KCNT2: variants seen among roughly 807,000 people sequenced by gnomAD.
KCNT2 encodes potassium channel subfamily T member 2.
KCNT2 carries 67 observed loss-of-function variants against 153.8 expected under a neutral mutation model. That is an observed-to-expected ratio of 0.44 (90% CI 0.36 to 0.53). The LOEUF (loss-of-function observed/expected upper bound fraction) is 0.53. Ranked by LOEUF, KCNT2 falls within the 20% of genes least tolerant of loss-of-function variation. The pLI is 0.00. For missense variants in KCNT2, 975 were observed against 1,354.8 expected, an observed-to-expected ratio of 0.72 and a Z score of 4.40; for synonymous variants, 500 against 458.8, an observed-to-expected ratio of 1.09 and a Z score of -1.15.
At chr1:196,420,907 C>T (rs1673145995) in intron 12 of KCNT2, among the ~76,000 whole-genome samples, 1 of 151,966 alleles carries the variant, frequency 6.6e-6, no homozygotes, top group East Asian at 1.9e-4. Flanking sequence ...GGAAAGTAAC[C>T]AGCAATGGAT....
At chr1:196,337,306 C>A (rs929029014) in intron 16 of KCNT2, among the ~76,000 whole-genome samples, 1 of 151,920 alleles carries the variant, frequency 6.6e-6, no homozygotes, top group African/African-American at 2.4e-5. Context: ...CCTGATTATC[C>A]TCAAAGTACA....
intron 25 of KCNT2, among the ~76,000 whole-genome samples, chr1:196,270,448 A>G (rs1364399815): frequency 6.6e-6 from 1 of 152,120 alleles, no homozygotes; most frequent in Non-Finnish European, 1.5e-5. Flanking sequence ...AGGTTTGTAT[A>G]TATTATGCAT....
intron 1 of KCNT2, among the ~76,000 whole-genome samples, chr1:196,532,510 C>T (rs1655080063): frequency 6.6e-6 from 1 of 151,766 alleles, no homozygotes; most frequent in African/African-American, 2.4e-5. Flanking sequence ...TACATATAAT[C>T]CTTGAGATTA....
intron 13 of KCNT2, among the ~76,000 whole-genome samples, chr1:196,384,742 G>T (rs1318192445): frequency 4.1e-5 from 6 of 147,898 alleles, no homozygotes; most frequent in Non-Finnish European, 7.5e-5. Context: ...TGTTAAAACT[G>T]TTTTGGCAAC....
At chr1:196,424,071 C>A (rs1010378607) in intron 11 of KCNT2, among the ~76,000 whole-genome samples, 11 of 151,704 alleles carry the variant, frequency 7.3e-5, no homozygotes, top group Non-Finnish European at 1.6e-4. Flanking sequence ...TTTTAAATAG[C>A]TTTTAGAGTA....
At chr1:196,309,397 G>A (rs1661943367) in intron 21 of KCNT2, among the ~76,000 whole-genome samples, 1 of 151,802 alleles carries the variant, frequency 6.6e-6, no homozygotes, top group Non-Finnish European at 1.5e-5. Context: ...AGAAGTATTT[G>A]GGGTCTTAAT....
chr1:196,310,658 T>C (rs1232415908), intron 21 of KCNT2, among the ~76,000 whole-genome samples: 20 of 151,892 alleles, frequency 1.3e-4, no homozygotes, highest in Non-Finnish European at 1.5e-5. Flanking sequence ...AAGACAATAT[T>C]CTTTTCTTTA....
chr1:196,528,165 C>T (rs1231371071), intron 1 of KCNT2, among the ~76,000 whole-genome samples: 1 of 152,184 alleles, frequency 6.6e-6, no homozygotes, highest in Non-Finnish European at 1.5e-5. Context: ...TTACTTCACT[C>T]ATGCTGTGAT....
chr1:196,519,511 A>G (rs923865458), intron 1 of KCNT2, among the ~76,000 whole-genome samples: 21 of 151,974 alleles, frequency 1.4e-4, no homozygotes, highest in African/African-American at 4.1e-4. Context: ...CTGGGGGTTA[A>G]TTTTTTTAAA....
intron 1 of KCNT2, among the ~76,000 whole-genome samples, chr1:196,557,162 G>T (rs1038446821): frequency 1.3e-5 from 2 of 151,100 alleles, no homozygotes; most frequent in African/African-American, 2.4e-5. Context: ...AGAACAAAAA[G>T]AATAAATGCT....
chr1:196,577,734 C>T (rs1661535826), intron 1 of KCNT2, among the ~76,000 whole-genome samples: 1 of 152,056 alleles, frequency 6.6e-6, no homozygotes. Flanking sequence ...GGGAATAAGT[C>T]CTAGACTGAG....
intron 26 of KCNT2, among the ~76,000 whole-genome samples, chr1:196,247,411 C>T (rs1304860883): frequency 1.3e-5 from 2 of 152,140 alleles, no homozygotes; most frequent in African/African-American, 2.4e-5. Flanking sequence ...CAGACTTAAT[C>T]CTTGCTATAG....
chr1:196,486,138 T>A (rs1359673183), intron 3 of KCNT2, among the ~76,000 whole-genome samples: 2 of 151,988 alleles, frequency 1.3e-5, no homozygotes, highest in Non-Finnish European at 2.9e-5. Context: ...GTATATGTTA[T>A]CTATATGTCT....
intron 12 of KCNT2, among the ~76,000 whole-genome samples, chr1:196,404,829 G>A (rs1303437431): frequency 6.6e-6 from 1 of 151,436 alleles, no homozygotes; most frequent in African/African-American, 2.4e-5. Flanking sequence ...GCATATCACA[G>A]GTGAATAAGA....
At chr1:196,490,654 G>A (rs929396887) in intron 2 of KCNT2, among the ~76,000 whole-genome samples, 1 of 151,592 alleles carries the variant, frequency 6.6e-6, no homozygotes, top group South Asian at 2.1e-4. Flanking sequence ...TTAAACTTTT[G>A]TGGGAATTAA....
intron 1 of KCNT2, among the ~76,000 whole-genome samples, chr1:196,525,862 C>T (rs1182310783): frequency 6.6e-6 from 1 of 151,864 alleles, no homozygotes; most frequent in African/African-American, 2.4e-5. Flanking sequence ...TAAAAGGTGT[C>T]TTTAAACAGA....
chr1:196,451,073 T>C (rs1275293859), intron 8 of KCNT2, among the ~76,000 whole-genome samples: 1 of 151,724 alleles, frequency 6.6e-6, no homozygotes, highest in Non-Finnish European at 1.5e-5. Flanking sequence ...CTAATGATTA[T>C]TGTCATTATC....
chr1:196,280,924 GAAC>G lies in KCNT2; in HGVS notation c.2843_2845del (p.Cys948del). The G allele has an allele frequency of 6.2e-7, 1 of 1,610,566 alleles. No individual in the cohort carries two copies. Among genetic ancestry groups the G allele is most frequent in the Non-Finnish European group, 8.5e-7 (1 of 1,176,896 alleles). ...TCCAATGGGAACATCTCCAGTAGAAGAACACAACTTCTGATAAAGTCTGGCATA... is the reference window on the plus strand; with the variant it reads ...TCCAATGGGAACATCTCCAGTAGAAGACAACTTCTGATAAAGTCTGGCATA... On this transcript the variant is annotated inframe_deletion, in exon 25 of 28. Transcript: ENST00000294725.
chr1:196,441,286 T>C (rs1208418439), intron 8 of KCNT2, among the ~76,000 whole-genome samples: 4 of 151,640 alleles, frequency 2.6e-5, no homozygotes, highest in Admixed American at 6.6e-5. Flanking sequence ...GCATATATCA[T>C]AGCTGGCCTT....
Sources: gnomAD v4.1 joint callset for allele counts (sites outside exome capture counted in the v4.1 genomes callset) on GRCh38, gnomAD v4.1.1 for gene constraint, MANE v1.5 for transcripts, NCBI Gene and HGNC (gene_info 2026-07-23, HGNC 2026-07-21) for gene names.